TMEM255A: variants seen among roughly 807,000 people sequenced by gnomAD.
TMEM255A encodes the protein family with sequence similarity 70, member A.
A neutral mutation model predicts 23.5 loss-of-function variants in TMEM255A; 14 were observed. The ratio of observed to expected loss-of-function variants is 0.60; its 90% CI spans 0.39 to 0.93. The LOEUF is 0.93. TMEM255A is among the 40% of genes least tolerant of loss of function. The pLI is 0.00. For synonymous variants in TMEM255A, 104 were observed against 100.3 expected (o/e 1.04, Z -0.22); for missense variants, 233 against 261.7 (o/e 0.89, Z 0.76).
intron 7 of TMEM255A, 47 bp from the exon 8 acceptor site, chrX:120,268,434 G>C (rs1556018024): frequency 9.5e-7 from 1 of 1,050,667 alleles, no homozygotes; most frequent in Non-Finnish European, 1.3e-6. Flanking sequence ...TCATCACTAG[G>C]AGAATGGTTA....
intron 4 of TMEM255A, among the ~76,000 whole-genome samples, chrX:120,290,818 T>C (rs782516040): frequency 2.7e-5 from 3 of 111,950 alleles, no homozygotes; most frequent in East Asian, 5.6e-4. Context: ...TCAGATGCCA[T>C]TTCATAGACT....
At chrX:120,298,339 A>G (rs1364362763) in intron 2 of TMEM255A, among the ~76,000 whole-genome samples, 3 of 111,762 alleles carry the variant, frequency 2.7e-5, no homozygotes, top group Admixed American at 9.5e-5. Flanking sequence ...CACTCAGGCT[A>G]AAGGAGCTCA....
the TMEM255A span, chrX:120,253,556 G>A: frequency 8.3e-7 from 1 of 1,212,091 alleles, no homozygotes. Flanking sequence ...GGGCTCACAA[G>A]AATATTCTTT....
chrX:120,289,997 A>G (rs1369735879), intron 4 of TMEM255A, among the ~76,000 whole-genome samples: 2 of 111,600 alleles, frequency 1.8e-5, no homozygotes, highest in Non-Finnish European at 3.8e-5. Flanking sequence ...AAAGTATATT[A>G]GTGGTTGCTT....
At chrX:120,287,087 A>G in intron 5 of TMEM255A, 67 bp downstream of exon 5, 2 of 924,869 alleles carry the variant, frequency 2.2e-6, no homozygotes, top group South Asian at 3.9e-5. Flanking sequence ...AGTAAAAGAA[A>G]GGGTGTTTCA....
At chrX:120,285,675 T>G (rs1556021682) in intron 5 of TMEM255A, 1 of 1,211,054 alleles carries the variant, frequency 8.3e-7, no homozygotes, top group East Asian at 3.0e-5. Flanking sequence ...GAAGGAGAAT[T>G]TTTGGTTGAG....
chrX:120,279,431 G>T (rs1242896910), intron 6 of TMEM255A, among the ~76,000 whole-genome samples: 1 of 112,451 alleles, frequency 8.9e-6, no homozygotes, highest in Non-Finnish European at 1.9e-5. Context: ...AGGATGCACA[G>T]ATTATTTACT....
rs2058051150 is a variant in TMEM255A at position 120,304,433 on chromosome X, C to T, written c.117G>A (p.Val39=). The T allele has an allele frequency of 8.3e-7, 1 of 1,210,177 alleles. No homozygotes were observed. The highest frequency in any genetic ancestry group is 1.7e-5 in the African/African-American group (1 of 57,686). ...SIYVTVTLLI[V]SVLILTVGLA... is the part of the protein sequence containing the mutation. Reference sequence around the variant, plus strand: ...GGCCCACTGTGAGAATTAACACGGACACAATAAGCAAAGTCACGGTGACAT... The same window carrying T: ...GGCCCACTGTGAGAATTAACACGGATACAATAAGCAAAGTCACGGTGACAT... Residue 39 remains valine (V), a synonymous_variant, in exon 2 of 9, where the codon GTG becomes GTA. Transcript: ENST00000371369.
chrX:120,295,739 A>G (rs1337973747), intron 2 of TMEM255A, among the ~76,000 whole-genome samples: 1 of 112,133 alleles, frequency 8.9e-6, no homozygotes, highest in African/African-American at 3.2e-5. Flanking sequence ...CAATTTTCTT[A>G]TATTGTAAAA....
intron 2 of TMEM255A, among the ~76,000 whole-genome samples, chrX:120,296,644 T>G (rs1271396315): frequency 1.5e-5 from 1 of 67,751 alleles, no homozygotes; most frequent in Non-Finnish European, 2.5e-5. Flanking sequence ...TATTATATTA[T>G]AATATAATAT....
Position 120,260,681 on chromosome X carries a change from C to A in TMEM255A, c.*189G>T. On this transcript the variant is annotated 3_prime_UTR_variant, in exon 9 of 9. Transcript: ENST00000371369. ...GAATGTGAGCTGCCCTTCTGTGCTG[C>A]GTTCAGCCTGACCACCCCTGCTCTG... 2.0e-6 allele frequency: 1 copy of A among 500,959 alleles called. No homozygotes were observed. The allele number at this position is 500,959 out of a possible 1,213,427, so 41.3% of individuals were successfully genotyped here.
downstream of TMEM255A, chrX:120,254,205 A>G (rs1556014890): frequency 8.3e-7 from 1 of 1,212,115 alleles, no homozygotes; most frequent in South Asian, 1.8e-5. Context: ...AACACAAGGA[A>G]GTGAAAAATT....
At chrX:120,282,610 A>G (rs2057844840) in intron 6 of TMEM255A, among the ~76,000 whole-genome samples, 1 of 111,732 alleles carries the variant, frequency 8.9e-6, no homozygotes, top group Non-Finnish European at 1.9e-5. Flanking sequence ...AGATTAAGTC[A>G]TGCTCCCTGC....
chrX:120,278,554 A>T (rs2057816146), intron 6 of TMEM255A, among the ~76,000 whole-genome samples: 1 of 112,141 alleles, frequency 8.9e-6, no homozygotes, highest in South Asian at 3.7e-4. Context: ...CTGTGGAATT[A>T]ATTAAATGAA....
At chrX:120,298,798 AG>A (rs1556025365) in intron 2 of TMEM255A, among the ~76,000 whole-genome samples, 1 of 110,546 alleles carries the variant, frequency 9.0e-6, no homozygotes, top group East Asian at 2.8e-4. Flanking sequence ...GGGAGTTCAA[AG>A]ATGTAGACAC....
chrX:120,268,608 C>G (rs782433352), intron 7 of TMEM255A, among the ~76,000 whole-genome samples: 1 of 111,174 alleles, frequency 9.0e-6, no homozygotes, highest in East Asian at 2.8e-4. Context: ...AAAAAGACCC[C>G]CAAAATTATA....
At chrX:120,275,970 T>C (rs1401356294) in intron 7 of TMEM255A, among the ~76,000 whole-genome samples, 1 of 108,472 alleles carries the variant, frequency 9.2e-6, no homozygotes, top group African/African-American at 3.4e-5. Context: ...TTAAAAAAAG[T>C]TGTTTTTTCT....
intron 6 of TMEM255A, among the ~76,000 whole-genome samples, chrX:120,278,682 T>C (rs781823252): frequency 3.6e-5 from 4 of 112,418 alleles, no homozygotes; most frequent in Non-Finnish European, 7.5e-5. Context: ...GATTATTACA[T>C]GTGACTCCCC....
chrX:120,294,701 C>T (rs2057942911), intron 2 of TMEM255A, among the ~76,000 whole-genome samples: 1 of 111,401 alleles, frequency 9.0e-6, no homozygotes, highest in African/African-American at 3.3e-5. Context: ...GAAAAGCACA[C>T]ATTATATTTT....
Sources: gnomAD v4.1 joint callset for allele counts (sites outside exome capture counted in the v4.1 genomes callset) on GRCh38, gnomAD v4.1.1 for gene constraint, MANE v1.5 for transcripts, NCBI Gene and HGNC (gene_info 2026-07-23, HGNC 2026-07-21) for gene names.